The following EIF4E variants were observed in gnomAD, a reference collection of about 807,000 sequenced individuals.
EIF4E encodes the protein eIF-4F 25 kDa subunit.
For missense variants in EIF4E, 113 were observed against 265.6 expected (o/e 0.43, Z 3.99); for synonymous variants, 71 against 88.5 (o/e 0.80, Z 1.11).
At chr4:98,927,877 C>CA (rs1417605504) in intron 1 of EIF4E, among the ~76,000 whole-genome samples, 1 of 152,000 alleles carries the variant, frequency 6.6e-6, no homozygotes, top group Admixed American at 6.6e-5. Context: ...AAAAAGGCAA[C>CA]AGGGCCCAGA....
chr4:98,904,397 T>G lies in EIF4E; in HGVS notation c.19-2415A>C, dbSNP rs569824165. Reference sequence around the variant, plus strand: ...ATCACTCAGGAAAAACATATTCAGTTCCTAGAATTTTAAAGTGTTATTTTG... The same window carrying G: ...ATCACTCAGGAAAAACATATTCAGTGCCTAGAATTTTAAAGTGTTATTTTG... On this transcript the variant is annotated intron_variant, in intron 1 of 6. Coordinates refer to ENST00000450253, the MANE Select transcript of EIF4E (RefSeq NM_001968.5). Among the ~76,000 whole-genome samples, 91 of 152,260 alleles carry G rather than the reference T, an allele frequency of 6.0e-4. 1 individual carries two copies. Among genetic ancestry groups the G allele is most frequent in the Middle Eastern group, 6.8e-3 (2 of 294 alleles).
intron 1 of EIF4E, among the ~76,000 whole-genome samples, chr4:98,919,996 T>C (rs1374043276): frequency 6.6e-6 from 1 of 152,230 alleles, no homozygotes; most frequent in African/African-American, 2.4e-5. Flanking sequence ...TCAATTACCA[T>C]GTACAGCCAG....
intron 1 of EIF4E, among the ~76,000 whole-genome samples, chr4:98,903,967 A>AGACT (rs942639561): frequency 2.0e-4 from 31 of 152,288 alleles, no homozygotes; most frequent in African/African-American, 7.2e-4. Context: ...AAACAATGAG[A>AGACT]GACTGGCAGG....
intron 1 of EIF4E, chr4:98,909,415 T>C (rs1725011689): frequency 2.3e-6 from 1 of 429,876 alleles, no homozygotes; most frequent in African/African-American, 2.1e-5. Flanking sequence ...GGCAAAGAAA[T>C]GTACACAATC....
At chr4:98,916,084 G>A (rs1321480170) in intron 1 of EIF4E, among the ~76,000 whole-genome samples, 1 of 151,586 alleles carries the variant, frequency 6.6e-6, no homozygotes, top group African/African-American at 2.4e-5. Flanking sequence ...CCAGCTACTC[G>A]AGAGGCTGAG....
chr4:98,899,992 C>CT (rs77030786), intron 2 of EIF4E, among the ~76,000 whole-genome samples: 126 of 142,058 alleles, frequency 8.9e-4, no homozygotes, highest in Middle Eastern at 3.6e-3. Flanking sequence ...AAGATTTAAA[C>CT]TTTTTTTTTT....
intron 1 of EIF4E, among the ~76,000 whole-genome samples, chr4:98,905,096 G>T (rs79097813): frequency 0.032 from 4,853 of 151,958 alleles, 110 homozygotes; most frequent in African/African-American, 0.064. Context: ...TTTACATTCA[G>T]TTTAAAAACA....
At chr4:98,920,227 C>A (rs187020664) in intron 1 of EIF4E, among the ~76,000 whole-genome samples, 2 of 152,248 alleles carry the variant, frequency 1.3e-5, no homozygotes, top group Non-Finnish European at 2.9e-5. Context: ...TAATTCAATC[C>A]TTGTTGTACT....
chr4:98,883,393 A>ATTTTTTTTTT (rs11408890), intron 6 of EIF4E, among the ~76,000 whole-genome samples: 5 of 103,872 alleles, frequency 4.8e-5, no homozygotes, highest in Non-Finnish European at 5.4e-5. Context: ...TGTAAGTCAA[A>ATTTTTTTTTT]TTTTTTTTTT....
intron 1 of EIF4E, among the ~76,000 whole-genome samples, chr4:98,918,259 A>T (rs1313208509): frequency 6.6e-6 from 1 of 151,312 alleles, no homozygotes; most frequent in East Asian, 1.9e-4. Context: ...GCTGGTCGGG[A>T]GGCTGAGGCA....
chr4:98,909,933 A>G (rs1176275264), intron 1 of EIF4E: 1 of 541,312 alleles, frequency 1.8e-6, no homozygotes, highest in Admixed American at 3.6e-5. Flanking sequence ...GTTCTTTTCA[A>G]CAAACCATGC....
chr4:98,913,850 A>C (rs926029536), intron 1 of EIF4E, among the ~76,000 whole-genome samples: 3 of 152,134 alleles, frequency 2.0e-5, no homozygotes, highest in Admixed American at 6.6e-5. Flanking sequence ...AAATAGAAAA[A>C]TAATAAAATT....
intron 3 of EIF4E, among the ~76,000 whole-genome samples, chr4:98,889,892 A>G (rs1416822034): frequency 6.6e-6 from 1 of 152,162 alleles, no homozygotes; most frequent in African/African-American, 2.4e-5. Flanking sequence ...ACAAAACTAG[A>G]GAAGAAAAAC....
intron 1 of EIF4E, among the ~76,000 whole-genome samples, chr4:98,919,366 A>G (rs1279303822): frequency 6.6e-6 from 1 of 151,114 alleles, no homozygotes; most frequent in East Asian, 1.9e-4. Context: ...ACATTAACCC[A>G]CAGAAAAATT....
intron 3 of EIF4E, among the ~76,000 whole-genome samples, chr4:98,890,373 G>T (rs1371819352): frequency 6.6e-6 from 1 of 152,178 alleles, no homozygotes; most frequent in Non-Finnish European, 1.5e-5. Flanking sequence ...GCTTATTAAA[G>T]AGTTTTGCCT....
intron 5 of EIF4E, chr4:98,886,314 A>G: frequency 3.6e-6 from 1 of 279,360 alleles, no homozygotes; most frequent in South Asian, 3.1e-5. Context: ...AATGCTTATT[A>G]TCTCATATTT....
Position 98,910,873 on chromosome 4 carries a change from G to A in EIF4E, c.19-8891C>T, listed in dbSNP as rs547348618. Among the ~76,000 whole-genome samples, 3 of 150,900 alleles carry A rather than the reference G, an allele frequency of 2.0e-5. No individual in the cohort carries two copies. The East Asian group carries it at 5.9e-4, about 30-fold the overall frequency. On this transcript the variant is annotated intron_variant, in intron 1 of 6. Transcript: ENST00000450253. ...GCTTCACGAGTAGCTGGGACTACAG[G>A]CATGCACCACCACACCTGGCTAATT...
intron 1 of EIF4E, among the ~76,000 whole-genome samples, chr4:98,912,062 GACTA>G (rs1271689675): frequency 6.6e-6 from 1 of 151,748 alleles, no homozygotes; most frequent in Non-Finnish European, 1.5e-5. Flanking sequence ...AGACCCACAT[GACTA>G]ACATGGTGAA....
chr4:98,881,765 C>A (rs770663136), intron 6 of EIF4E, among the ~76,000 whole-genome samples: 4 of 152,154 alleles, frequency 2.6e-5, no homozygotes, highest in Non-Finnish European at 5.9e-5. Flanking sequence ...AATGTAATTT[C>A]TGCTTTACAT....
Sources: allele counts gnomAD v4.1 joint callset (sites outside exome capture counted in the v4.1 genomes callset), GRCh38; gene constraint gnomAD v4.1.1; transcripts MANE v1.5; gene names NCBI Gene and HGNC (gene_info 2026-07-23, HGNC 2026-07-21).